The following FGF12 variants were observed in gnomAD, a reference collection of about 807,000 sequenced individuals.
The protein encoded by FGF12 is fibroblast growth factor 12.
In FGF12, 14 loss-of-function variants were observed where a neutral mutation model predicts 23.6. The observed-to-expected ratio is 0.59, with a 90% CI of 0.39 to 0.93. FGF12 has a LOEUF of 0.93. Among genes scored for constraint, FGF12 ranks in the 40% least tolerant of loss-of-function variants. The probability of loss-of-function intolerance (pLI) is 0.00; values close to 1 mark genes in which losing one functional copy is unlikely to be tolerated. For missense variants in FGF12, 175 were observed against 217.8 expected (o/e 0.80, Z 1.24); for synonymous variants, 62 against 77.3 (o/e 0.80, Z 1.04).
chr3:192,497,281 A>T (rs1458525986), intron 2 of FGF12, among the ~76,000 whole-genome samples: 1 of 152,162 alleles, frequency 6.6e-6, no homozygotes, highest in East Asian at 1.9e-4. Context: ...TCCCGCTGTC[A>T]ATCAATAGCA....
chr3:192,574,647 C>A (rs1216916854), intron 2 of FGF12, among the ~76,000 whole-genome samples: 1 of 152,174 alleles, frequency 6.6e-6, no homozygotes, highest in Non-Finnish European at 1.5e-5. Context: ...GGCAAATGTT[C>A]AAATGCTTAG....
At chr3:192,397,147 A>G (rs1288245984) in intron 2 of FGF12, among the ~76,000 whole-genome samples, 1 of 152,194 alleles carries the variant, frequency 6.6e-6, no homozygotes, top group East Asian at 1.9e-4. Context: ...TGCTTTTCTC[A>G]TGACCTGTAG....
intron 4 of FGF12, among the ~76,000 whole-genome samples, chr3:192,254,801 G>A (rs1244907030): frequency 1.3e-5 from 2 of 151,984 alleles, no homozygotes; most frequent in African/African-American, 4.8e-5. Context: ...ATCAAAAGAA[G>A]TTATAACAAG....
chr3:192,563,376 A>T (rs1353653073), intron 2 of FGF12, among the ~76,000 whole-genome samples: 1 of 152,118 alleles, frequency 6.6e-6, no homozygotes, highest in Non-Finnish European at 1.5e-5. Context: ...CAAGCTCACA[A>T]CTCACACATT....
chr3:192,190,837 A>C (rs1281569638), intron 4 of FGF12, among the ~76,000 whole-genome samples: 1 of 152,224 alleles, frequency 6.6e-6, no homozygotes, highest in Non-Finnish European at 1.5e-5. Flanking sequence ...CCATGAAAAG[A>C]ATCAGAATAC....
Position 192,322,394 on chromosome 3 carries a change from A to C in FGF12, c.228+12967T>G, listed in dbSNP as rs140049164. ...TATTGTTAAAATGTCCATACTACCC[A>C]AAGCAATCTACAGATTCAATGCAAT... is the stretch of plus-strand genomic sequence containing the variant. On this transcript the variant is annotated intron_variant, in intron 4 of 5. Coordinates refer to ENST00000445105, the MANE Select transcript of FGF12 (RefSeq NM_004113.6). 1.0e-3 allele frequency among the ~76,000 whole-genome samples: 157 copies of C among 152,238 alleles called. 3 individuals are homozygous for C. The East Asian group carries it at 0.027, about 26-fold the overall frequency.
At chr3:192,631,639 T>G (rs1715395284) in intron 2 of FGF12, among the ~76,000 whole-genome samples, 1 of 152,190 alleles carries the variant, frequency 6.6e-6, no homozygotes, top group Non-Finnish European at 1.5e-5. Context: ...CTTCACACAC[T>G]GTGATTTAAC....
intron 5 of FGF12, among the ~76,000 whole-genome samples, chr3:192,152,264 G>T (rs1577177157): frequency 2.0e-5 from 2 of 99,028 alleles, no homozygotes; most frequent in Non-Finnish European, 2.1e-5. Context: ...CAAAAAACCA[G>T]CTCCTGGATT....
intron 4 of FGF12, among the ~76,000 whole-genome samples, chr3:192,325,840 A>G (rs1273214550): frequency 6.6e-6 from 1 of 152,192 alleles, no homozygotes; most frequent in Non-Finnish European, 1.5e-5. Context: ...TCTTAAAACT[A>G]CAGCACCATA....
chr3:192,610,276 G>A (rs1714503281), intron 2 of FGF12, among the ~76,000 whole-genome samples: 1 of 152,012 alleles, frequency 6.6e-6, no homozygotes, highest in Non-Finnish European at 1.5e-5. Flanking sequence ...GAAGCTGAGA[G>A]CTTACTGAAT....
intron 2 of FGF12, among the ~76,000 whole-genome samples, chr3:192,571,677 G>A (rs1225492828): frequency 1.3e-5 from 2 of 152,216 alleles, no homozygotes; most frequent in African/African-American, 2.4e-5. Context: ...CCAGGGCAGG[G>A]CAGCAATTTA....
intron 4 of FGF12, among the ~76,000 whole-genome samples, chr3:192,262,661 G>C (rs1349049744): frequency 2.6e-5 from 4 of 152,062 alleles, no homozygotes; most frequent in African/African-American, 9.7e-5. Flanking sequence ...TTCAGCCCAG[G>C]TGTGTAGTAG....
chr3:192,624,806 T>G (rs1274943816), intron 2 of FGF12, among the ~76,000 whole-genome samples: 1 of 152,144 alleles, frequency 6.6e-6, no homozygotes, highest in African/African-American at 2.4e-5. Context: ...AAACCGAAAG[T>G]GTAAGAGACC....
intron 4 of FGF12, among the ~76,000 whole-genome samples, chr3:192,207,186 T>C (rs1168491328): frequency 2.6e-5 from 4 of 152,218 alleles, no homozygotes; most frequent in African/African-American, 7.2e-5. Context: ...CATAATTGTA[T>C]TGAAAGTCCT....
At chr3:192,539,781 G>A (rs932638866) in intron 2 of FGF12, among the ~76,000 whole-genome samples, 3 of 152,002 alleles carry the variant, frequency 2.0e-5, no homozygotes, top group African/African-American at 7.2e-5. Flanking sequence ...TCAGGTTCCA[G>A]GCTTTTCGTT....
At chr3:192,158,386 T>C (rs865797401) in intron 5 of FGF12, among the ~76,000 whole-genome samples, 12 of 87,278 alleles carry the variant, frequency 1.4e-4, no homozygotes, top group East Asian at 6.7e-4. Flanking sequence ...TTCTTTCTTT[T>C]CTTTCTCTCT....
chr3:192,163,828 AGTGTGT>A (rs35349561), intron 5 of FGF12, among the ~76,000 whole-genome samples: 86 of 149,488 alleles, frequency 5.8e-4, no homozygotes, highest in African/African-American at 1.7e-3. Flanking sequence ...AGTGTGTGTG[AGTGTGT>A]GTGTGTGTGT....
At chr3:192,378,919 C>T (rs367694892) in intron 2 of FGF12, among the ~76,000 whole-genome samples, 5 of 152,244 alleles carry the variant, frequency 3.3e-5, no homozygotes, top group African/African-American at 1.2e-4. Context: ...CGAACCTCCA[C>T]CCTCAAGAAG....
chr3:192,148,097 A>G (rs1442949904), intron 5 of FGF12, among the ~76,000 whole-genome samples: 1 of 152,196 alleles, frequency 6.6e-6, no homozygotes, highest in Non-Finnish European at 1.5e-5. Context: ...TGATCCAGCA[A>G]TTCCAACTGT....
Sources: gnomAD v4.1 joint callset for allele counts (sites outside exome capture counted in the v4.1 genomes callset) on GRCh38, gnomAD v4.1.1 for gene constraint, MANE v1.5 for transcripts, NCBI Gene and HGNC (gene_info 2026-07-23, HGNC 2026-07-21) for gene names.